The following COLEC11 variants were observed in gnomAD, a reference collection of about 807,000 sequenced individuals.
The protein encoded by COLEC11 is collectin subfamily member 11.
A neutral mutation model predicts 27.3 loss-of-function variants in COLEC11; 20 were observed. The observed-to-expected ratio is 0.73, with a 90% CI of 0.51 to 1.06. The LOEUF is 1.06. Among genes scored for constraint, COLEC11 ranks in the 50% least tolerant of loss-of-function variants. The pLI is 0.00. For missense variants in COLEC11, 310 were observed against 383.0 expected, an observed-to-expected ratio of 0.81 and a Z score of 1.59; for synonymous variants, 163 against 154.7, an observed-to-expected ratio of 1.05 and a Z score of -0.40.
At chr2:3,596,177 A>G (rs1472625773) in intron 1 of COLEC11, among the ~76,000 whole-genome samples, 1 of 152,110 alleles carries the variant, frequency 6.6e-6, no homozygotes, top group Admixed American at 6.5e-5. Flanking sequence ...GGGCTGGGGC[A>G]GTCCCCAGTG....
chr2:3,643,684 A>G, intron 6 of COLEC11, 43 bp from the exon 7 acceptor site: 1 of 1,612,952 alleles, frequency 6.2e-7, no homozygotes, highest in Non-Finnish European at 8.5e-7. Flanking sequence ...AGTTTGTTGC[A>G]CACATACAAG....
chr2:3,615,235 GACAA>G (rs1347188095), intron 3 of COLEC11, among the ~76,000 whole-genome samples: 1 of 152,174 alleles, frequency 6.6e-6, no homozygotes, highest in African/African-American at 2.4e-5. Context: ...AAGGTCAGCA[GACAA>G]ACAAGTGAAC....
At chr2:3,632,932 C>T (rs2312928) in intron 3 of COLEC11, among the ~76,000 whole-genome samples, 14,595 of 152,158 alleles carry the variant, frequency 0.096, 2,358 homozygotes, top group African/African-American at 0.33. Flanking sequence ...GTGTCAGAGG[C>T]GGATTGTGGC....
intron 3 of COLEC11, among the ~76,000 whole-genome samples, chr2:3,615,827 G>A (rs532298278): frequency 4.2e-4 from 9 of 21,530 alleles, no homozygotes; most frequent in East Asian, 3.4e-3. Flanking sequence ...CCTCCCTCCC[G>A]GACGCGGCGG....
chr2:3,621,861 C>T (rs1664211566), intron 3 of COLEC11, among the ~76,000 whole-genome samples: 1 of 152,128 alleles, frequency 6.6e-6, no homozygotes, highest in African/African-American at 2.4e-5. Flanking sequence ...TCACAATTTA[C>T]ATCTTTTTTA....
intron 2 of COLEC11, among the ~76,000 whole-genome samples, chr2:3,608,854 T>C (rs115793761): frequency 2.1e-3 from 319 of 152,354 alleles, no homozygotes; most frequent in Middle Eastern, 6.8e-3. Context: ...CTCAGTGCTG[T>C]TGGTCCTGAA....
chr2:3,612,624 G>A (rs1357523485), intron 2 of COLEC11, among the ~76,000 whole-genome samples: 2 of 152,236 alleles, frequency 1.3e-5, no homozygotes, highest in South Asian at 2.1e-4. Flanking sequence ...TTAGAGTGGG[G>A]GGAGAAGACT....
At chr2:3,618,703 T>TC (rs1663962669) in intron 3 of COLEC11, among the ~76,000 whole-genome samples, 2 of 152,236 alleles carry the variant, frequency 1.3e-5, no homozygotes, top group Non-Finnish European at 2.9e-5. Context: ...GATTTTTTTT[T>TC]CCATTTCTCT....
At chr2:3,615,890 G>A (rs866223519) in intron 3 of COLEC11, among the ~76,000 whole-genome samples, 69 of 143,652 alleles carry the variant, frequency 4.8e-4, no homozygotes, top group Middle Eastern at 3.8e-3. Context: ...GCGGCTGGCC[G>A]GGCGGGGGCT....
intron 5 of COLEC11, chr2:3,641,451 A>G (rs1292128186): frequency 2.4e-6 from 3 of 1,269,528 alleles, no homozygotes; most frequent in Admixed American, 2.4e-5. Context: ...CGGCGGGGCA[A>G]GGAGAGGGGA....
chr2:3,637,742 A>T, intron 4 of COLEC11, 138 bp downstream of exon 4: 1 of 781,164 alleles, frequency 1.3e-6, no homozygotes, highest in Non-Finnish European at 2.3e-6. Context: ...TAAGAAATCT[A>T]CTGCAGTACT....
At chr2:3,598,643 G>A (rs1662021678) in intron 1 of COLEC11, among the ~76,000 whole-genome samples, 1 of 152,196 alleles carries the variant, frequency 6.6e-6, no homozygotes, top group Non-Finnish European at 1.5e-5. Context: ...ATATCCGCGT[G>A]AGCACAGGGG....
At chr2:3,616,391 G>T in intron 3 of COLEC11, among the ~76,000 whole-genome samples, 1 of 151,916 alleles carries the variant, frequency 6.6e-6, no homozygotes, top group Non-Finnish European at 1.5e-5. Flanking sequence ...TCGGCACTTT[G>T]GGAGGCCAAG....
At chr2:3,599,545 C>T (rs996804800) in intron 1 of COLEC11, among the ~76,000 whole-genome samples, 2 of 152,254 alleles carry the variant, frequency 1.3e-5, no homozygotes, top group Admixed American at 1.3e-4. Context: ...CACGGTGCCA[C>T]ACGCATTAAT....
intron 3 of COLEC11, among the ~76,000 whole-genome samples, chr2:3,628,410 G>T (rs1664719117): frequency 1.3e-5 from 2 of 152,240 alleles, no homozygotes; most frequent in Admixed American, 6.5e-5. Flanking sequence ...CAGGAGGGCG[G>T]CCTGAGACCC....
Position 3,643,547 on chromosome 2 carries a change from G to T in COLEC11, c.424+8G>T, listed in dbSNP as rs542599627. 1.2e-6 allele frequency: 2 copies of T among 1,612,264 alleles called. No homozygotes were observed. The highest frequency in any genetic ancestry group is 2.2e-5 in the South Asian group (2 of 91,062). On this transcript the variant is annotated splice_region_variant and intron_variant, in intron 6 of 6. Transcript: ENST00000349077. ...TCAAGTTCATCAAGAATGGTATGTG[G>T]CTCCCGGCGCCGCCCTCGCTCCCTC... is the stretch of plus-strand genomic sequence containing the variant.
intron 2 of COLEC11, chr2:3,605,649 C>CCCCTCCTCATCCGCGGTCCGCT (rs1161295691): frequency 8.6e-5 from 17 of 196,754 alleles, no homozygotes; most frequent in Non-Finnish European, 1.6e-4. Context: ...TCCGGTCCGC[C>CCCCTCCTCATCCGCGGTCCGCT]CCCTCCTCAT....
rs202098645 is a variant in COLEC11 at position 3,618,124 on chromosome 2, G to GTCT, written c.202+4745_202+4747dup. ...ATCAGATATATGGTTTGCAAATACTGTCTTCCATTCCATAGGTACCTTTCT... is the reference window on the plus strand; with the variant it reads ...ATCAGATATATGGTTTGCAAATACTGTCTTCTTCCATTCCATAGGTACCTTTCT... On this transcript the variant is annotated intron_variant, in intron 3 of 6. Coordinates refer to ENST00000349077, the MANE Select transcript of COLEC11 (RefSeq NM_024027.5). Among the ~76,000 whole-genome samples the GTCT allele has an allele frequency of 2.4e-3, 372 of 152,270 alleles. 8 individuals carry two copies. In the East Asian group the frequency reaches 0.052, roughly 21 times the overall value.
rs1176504756 is a variant in COLEC11, at chr2:3,615,802, A to G, written c.202+2420A>G. Among the ~76,000 whole-genome samples the G allele has an allele frequency of 3.8e-3, 98 of 25,918 alleles. 1 individual carries two copies. Among genetic ancestry groups the G allele is most frequent in the African/African-American group, 7.3e-3 (91 of 12,470 alleles). 17.0% of individuals were successfully genotyped at this position (25,918 alleles called of 152,430 possible). A position where few individuals can be genotyped will look rare whatever the true frequency, so the allele number is the denominator to read the frequency against. The stretch of plus-strand genomic sequence containing the variant: ...TCCCAGATGGGGCGGCTGGCCAGGC[A>G]GGGGCTGCCCCCCACCTCCCTCCCG... On this transcript the variant is annotated intron_variant, in intron 3 of 6. Transcript: ENST00000349077.
Sources: allele counts gnomAD v4.1 joint callset (sites outside exome capture counted in the v4.1 genomes callset), GRCh38; gene constraint gnomAD v4.1.1; transcripts MANE v1.5; gene names NCBI Gene and HGNC (gene_info 2026-07-23, HGNC 2026-07-21).